MED13L: variants seen among roughly 807,000 people sequenced by gnomAD.
MED13L encodes the protein mediator of RNA polymerase II transcription subunit 13-like.
In MED13L, 7 loss-of-function variants were observed where a neutral mutation model predicts 220.9. The ratio of observed to expected loss-of-function variants is 0.03; its 90% CI spans 0.02 to 0.06. The LOEUF is 0.06. MED13L is among the 10% of genes least tolerant of loss of function. The pLI is 1.00. For synonymous variants in MED13L, 1,011 were observed against 1,015.2 expected (o/e 1.00, Z 0.08); for missense variants, 1,965 against 2,760.5 (o/e 0.71, Z 6.46).
intron 11 of MED13L, chr12:116,007,065 A>AT: frequency 2.9e-6 from 1 of 341,612 alleles, no homozygotes; most frequent in Non-Finnish European, 5.6e-6. Flanking sequence ...TGTTACAAAC[A>AT]TTTTTTCCTT....
chr12:116,266,674 A>G (rs946548582), intron 1 of MED13L, among the ~76,000 whole-genome samples: 16 of 152,254 alleles, frequency 1.1e-4, no homozygotes, highest in African/African-American at 3.9e-4. Flanking sequence ...TAAATAGGCT[A>G]ACCATCATTT....
chr12:116,111,089 C>T (rs1487379756), intron 3 of MED13L, among the ~76,000 whole-genome samples: 1 of 152,006 alleles, frequency 6.6e-6, no homozygotes, highest in Non-Finnish European at 1.5e-5. Flanking sequence ...TGATACTGTG[C>T]TAATATACCT....
intron 4 of MED13L, among the ~76,000 whole-genome samples, chr12:116,078,458 T>C (rs1188280629): frequency 6.6e-6 from 1 of 152,190 alleles, no homozygotes; most frequent in Non-Finnish European, 1.5e-5. Flanking sequence ...AGGCCTGAAT[T>C]TAAATCCAAG....
At chr12:116,242,025 A>C (rs1870695730) in intron 1 of MED13L, among the ~76,000 whole-genome samples, 1 of 150,894 alleles carries the variant, frequency 6.6e-6, no homozygotes, top group Admixed American at 6.6e-5. Flanking sequence ...TTTAAAAATT[A>C]AGTGCACTCC....
intron 16 of MED13L, among the ~76,000 whole-genome samples, chr12:115,993,947 T>C (rs1482691630): frequency 6.6e-6 from 1 of 151,030 alleles, no homozygotes; most frequent in Non-Finnish European, 1.5e-5. Flanking sequence ...AAAGGAGGAG[T>C]CCAGGGTGAT....
chr12:115,963,373 A>G (rs759136644), intron 30 of MED13L, 34 bp downstream of exon 30: 1 of 1,469,246 alleles, frequency 6.8e-7, no homozygotes, highest in South Asian at 1.1e-5. Flanking sequence ...ATTGTTTCAA[A>G]TTGCACTGCT....
At chr12:116,229,592 C>T (rs1399564280) in intron 2 of MED13L, among the ~76,000 whole-genome samples, 1 of 152,134 alleles carries the variant, frequency 6.6e-6, no homozygotes, top group Non-Finnish European at 1.5e-5. Flanking sequence ...TTTACTTACA[C>T]TCAAAAGATA....
intron 1 of MED13L, among the ~76,000 whole-genome samples, chr12:116,238,840 T>C (rs950196169): frequency 6.6e-6 from 1 of 152,182 alleles, no homozygotes; most frequent in South Asian, 2.1e-4. Flanking sequence ...TTCACGCCTG[T>C]AATCCCAGCA....
intron 1 of MED13L, among the ~76,000 whole-genome samples, chr12:116,238,777 A>G (rs1020075827): frequency 1.3e-5 from 2 of 152,168 alleles, no homozygotes; most frequent in Non-Finnish European, 2.9e-5. Flanking sequence ...AAGAAAAATC[A>G]CCTTTCATTT....
At chr12:116,195,826 A>G (rs1293465238) in intron 2 of MED13L, among the ~76,000 whole-genome samples, 1 of 152,176 alleles carries the variant, frequency 6.6e-6, no homozygotes, top group African/African-American at 2.4e-5. Context: ...GCTAGGTGGA[A>G]ATGAAAAAGA....
intron 3 of MED13L, among the ~76,000 whole-genome samples, chr12:116,111,098 C>T (rs1476385787): frequency 6.6e-6 from 1 of 151,982 alleles, no homozygotes; most frequent in African/African-American, 2.4e-5. Context: ...GCTAATATAC[C>T]TTTGTCCTTA....
At chr12:116,248,144 GAATAA>G (rs1871235929) in intron 1 of MED13L, among the ~76,000 whole-genome samples, 2 of 152,064 alleles carry the variant, frequency 1.3e-5, no homozygotes. Context: ...ACGGCAACAA[GAATAA>G]AATAGAAGAA....
intron 4 of MED13L, among the ~76,000 whole-genome samples, chr12:116,053,611 T>C (rs1868694237): frequency 6.6e-6 from 1 of 152,176 alleles, no homozygotes; most frequent in Non-Finnish European, 1.5e-5. Context: ...CATTAAATTA[T>C]TACCCCTACT....
At chr12:116,143,239 T>A (rs1877225285) in intron 2 of MED13L, among the ~76,000 whole-genome samples, 1 of 150,626 alleles carries the variant, frequency 6.6e-6, no homozygotes, top group South Asian at 2.1e-4. Flanking sequence ...CCAGGCACAG[T>A]GGCTCAGGCC....
At chr12:116,167,739 T>G (rs1369520419) in intron 2 of MED13L, among the ~76,000 whole-genome samples, 2 of 152,176 alleles carry the variant, frequency 1.3e-5, no homozygotes. Context: ...GTAGTCTTTC[T>G]TCACCTAGAT....
At chr12:116,193,786 T>C (rs1361748693) in intron 2 of MED13L, among the ~76,000 whole-genome samples, 3 of 152,164 alleles carry the variant, frequency 2.0e-5, no homozygotes, top group African/African-American at 7.2e-5. Flanking sequence ...ATGGGAATAG[T>C]AGGAGTCACA....
At chr12:116,023,809 TA>T (rs907172965) in intron 4 of MED13L, among the ~76,000 whole-genome samples, 2 of 152,160 alleles carry the variant, frequency 1.3e-5, no homozygotes, top group Non-Finnish European at 2.9e-5. Flanking sequence ...AAAAAAGTTT[TA>T]AAAACCCTTG....
intron 23 of MED13L, among the ~76,000 whole-genome samples, chr12:115,978,211 TAATG>T (rs1877079381): frequency 6.6e-6 from 1 of 152,128 alleles, no homozygotes; most frequent in Non-Finnish European, 1.5e-5. Flanking sequence ...TAGTGTGTGC[TAATG>T]AATATTGTGT....
intron 2 of MED13L, among the ~76,000 whole-genome samples, chr12:116,121,848 T>G (rs920457827): frequency 1.3e-5 from 2 of 152,142 alleles, no homozygotes; most frequent in African/African-American, 4.8e-5. Context: ...CTGCAAATAT[T>G]GGAGGTGGGG....
Sources: allele counts gnomAD v4.1 joint callset (sites outside exome capture counted in the v4.1 genomes callset), GRCh38; gene constraint gnomAD v4.1.1; transcripts MANE v1.5; gene names NCBI Gene and HGNC (gene_info 2026-07-23, HGNC 2026-07-21).